EEFSEC: variants seen among roughly 807,000 people sequenced by gnomAD.
The protein encoded by EEFSEC is eukaryotic elongation factor, selenocysteine-tRNA specific.
In EEFSEC, 43 loss-of-function variants were observed where a neutral mutation model predicts 42.1. The observed-to-expected ratio is 1.02, with a 90% confidence interval of 0.80 to 1.32. The LOEUF is 1.32. Among genes scored for constraint, EEFSEC ranks in the 40% most tolerant of loss-of-function variants. EEFSEC has a pLI of 0.00. For missense variants in EEFSEC, 745 were observed against 803.6 expected (o/e 0.93, Z 0.88); for synonymous variants, 354 against 339.1 (o/e 1.04, Z -0.48).
intron 1 of EEFSEC, among the ~76,000 whole-genome samples, chr3:128,233,377 G>A (rs1313276774): frequency 1.3e-5 from 2 of 152,204 alleles, no homozygotes; most frequent in African/African-American, 4.8e-5. Flanking sequence ...TAATAGTAGA[G>A]GTAGTATCCA....
intron 1 of EEFSEC, among the ~76,000 whole-genome samples, chr3:128,199,461 T>C (rs1262506106): frequency 6.6e-6 from 1 of 152,248 alleles, no homozygotes; most frequent in African/African-American, 2.4e-5. Flanking sequence ...TGCTTAGCAA[T>C]GTCTTGGAGC....
the EEFSEC span, among the ~76,000 whole-genome samples, chr3:128,422,324 A>G: frequency 6.6e-6 from 1 of 152,218 alleles, no homozygotes. Flanking sequence ...GGAGCCTCGG[A>G]TTCTCTGAAG....
chr3:128,384,935 C>T (rs953154272), intron 6 of EEFSEC, among the ~76,000 whole-genome samples: 4 of 152,184 alleles, frequency 2.6e-5, no homozygotes, highest in Non-Finnish European at 4.4e-5. Context: ...CCAGACCCCC[C>T]AGTTGCCCCC....
intron 2 of EEFSEC, among the ~76,000 whole-genome samples, chr3:128,247,768 G>A (rs1207685265): frequency 6.6e-6 from 1 of 152,170 alleles, no homozygotes; most frequent in Non-Finnish European, 1.5e-5. Flanking sequence ...ATGGTGAGGA[G>A]GACCCAGGAG....
At chr3:128,403,303 G>T (rs180997443) in intron 6 of EEFSEC, among the ~76,000 whole-genome samples, 47 of 152,320 alleles carry the variant, frequency 3.1e-4, no homozygotes, top group African/African-American at 8.4e-4. Flanking sequence ...CAGAAGGGCA[G>T]CGAGGAGGCT....
Position 128,395,236 on chromosome 3 carries a change from A to G in EEFSEC, c.1601-12833A>G, listed in dbSNP as rs367830604. 8.5e-5 allele frequency among the ~76,000 whole-genome samples: 13 copies of G among 152,334 alleles called. No homozygotes were observed. The East Asian group carries it at 2.3e-3, about 27-fold the overall frequency. On this transcript the variant is annotated intron_variant, in intron 6 of 6. Transcript: ENST00000254730. ...AGCATGTGTGTGAGGCCTCCGGGCC[A>G]GAAGGCAGAACGGGAGCCATGGGGA...
chr3:128,403,696 A>ACACAC (rs113924139), intron 6 of EEFSEC, among the ~76,000 whole-genome samples: 1 of 151,594 alleles, frequency 6.6e-6, no homozygotes, highest in African/African-American at 2.4e-5. Context: ...CCTCTCGCAT[A>ACACAC]CCCTAGGAAT....
At chr3:128,206,808 T>G (rs1437278917) in intron 1 of EEFSEC, among the ~76,000 whole-genome samples, 1 of 152,176 alleles carries the variant, frequency 6.6e-6, no homozygotes, top group Non-Finnish European at 1.5e-5. Flanking sequence ...AGAGCTGGGT[T>G]GGGGACTTCA....
intron 1 of EEFSEC, among the ~76,000 whole-genome samples, chr3:128,164,019 C>T (rs2065220014): frequency 6.6e-6 from 1 of 152,034 alleles, no homozygotes; most frequent in South Asian, 2.1e-4. Flanking sequence ...CCATCTTAGC[C>T]ATCTTAAGTG....
chr3:128,307,980 T>C (rs951793858), intron 4 of EEFSEC, among the ~76,000 whole-genome samples: 1 of 152,250 alleles, frequency 6.6e-6, no homozygotes, highest in African/African-American at 2.4e-5. Context: ...CAGTGCCTGG[T>C]TCCCTGGGGT....
chr3:128,189,779 C>T (rs926542077), intron 1 of EEFSEC, among the ~76,000 whole-genome samples: 9 of 151,890 alleles, frequency 5.9e-5, no homozygotes, highest in African/African-American at 1.9e-4. Context: ...AGGCTGATCT[C>T]GAACTTCTGG....
intron 1 of EEFSEC, among the ~76,000 whole-genome samples, chr3:128,168,116 C>T (rs537388559): frequency 2.0e-5 from 3 of 152,216 alleles, no homozygotes; most frequent in Admixed American, 6.5e-5. Flanking sequence ...TGAGACAGGA[C>T]GAGCACTTTT....
chr3:128,255,487 A>C (rs1483071348), intron 2 of EEFSEC, among the ~76,000 whole-genome samples: 2 of 152,082 alleles, frequency 1.3e-5, no homozygotes, highest in Non-Finnish European at 2.9e-5. Flanking sequence ...TTAGTGTCAC[A>C]TGGAATTGGC....
chr3:128,362,216 C>G (rs762678211), intron 6 of EEFSEC: 18 of 527,114 alleles, frequency 3.4e-5, no homozygotes, highest in Non-Finnish European at 5.8e-5. Context: ...CAGGCATCAG[C>G]ACTCACTCAC....
the EEFSEC span, among the ~76,000 whole-genome samples, chr3:128,417,811 C>T: frequency 1.3e-5 from 2 of 152,138 alleles, no homozygotes; most frequent in Non-Finnish European, 2.9e-5. The surrounding 1 kb of genome is among the most constrained non-coding windows in gnomAD (Gnocchi z 4.3). Flanking sequence ...CCTTCATCAA[C>T]AGTGACAGGG....
intron 4 of EEFSEC, among the ~76,000 whole-genome samples, chr3:128,295,401 A>G (rs897328012): frequency 1.5e-5 from 2 of 136,294 alleles, no homozygotes; most frequent in East Asian, 4.4e-4. Flanking sequence ...CATAACAGGA[A>G]ACCCCTTTTG....
At chr3:128,306,581 C>T (rs2066829661) in intron 4 of EEFSEC, among the ~76,000 whole-genome samples, 1 of 152,090 alleles carries the variant, frequency 6.6e-6, no homozygotes, top group Admixed American at 6.5e-5. Flanking sequence ...TTCTTGTTTA[C>T]AATATATAGT....
chr3:128,380,112 G>A (rs1339172383), intron 6 of EEFSEC, among the ~76,000 whole-genome samples: 1 of 152,194 alleles, frequency 6.6e-6, no homozygotes, highest in Non-Finnish European at 1.5e-5. Flanking sequence ...TGGACTCTAG[G>A]TGCTTTGGGT....
intron 4 of EEFSEC, among the ~76,000 whole-genome samples, chr3:128,278,890 C>G (rs574449933): frequency 2.0e-5 from 3 of 152,230 alleles, no homozygotes; most frequent in Non-Finnish European, 2.9e-5. Context: ...CTGCCCACCC[C>G]CTTGCAGCCT....
Sources: allele counts gnomAD v4.1 joint callset (sites outside exome capture counted in the v4.1 genomes callset), GRCh38; gene constraint gnomAD v4.1.1; non-coding constraint Gnocchi (gnomAD v3.1); transcripts MANE v1.5; gene names NCBI Gene and HGNC (gene_info 2026-07-23, HGNC 2026-07-21).